SERGEF: variants seen among roughly 807,000 people sequenced by gnomAD.
SERGEF encodes the protein secretion regulating guanine nucleotide exchange factor, also known as secretion-regulating guanine nucleotide exchange factor.
Under a neutral mutation model 50.0 loss-of-function variants are expected in SERGEF, and 51 were observed. The observed-to-expected ratio is 1.02, with a 90% CI of 0.81 to 1.29. SERGEF has a LOEUF of 1.29. Ranked by LOEUF, SERGEF falls within the 50% of genes most tolerant of loss-of-function variation. The pLI, the probability that SERGEF is intolerant of heterozygous loss-of-function variation, is 0.00. For synonymous variants in SERGEF, 205 were observed against 212.4 expected (o/e 0.97, Z 0.30); for missense variants, 521 against 557.0 (o/e 0.94, Z 0.65).
chr11:17,937,735 T>C (rs1372692209), intron 9 of SERGEF, among the ~76,000 whole-genome samples: 1 of 152,020 alleles, frequency 6.6e-6, no homozygotes, highest in Admixed American at 6.6e-5. Flanking sequence ...AAAAACAATA[T>C]AAAGATGAAC....
chr11:17,812,324 T>C (rs1406894737), intron 10 of SERGEF, among the ~76,000 whole-genome samples: 1 of 152,186 alleles, frequency 6.6e-6, no homozygotes, highest in Non-Finnish European at 1.5e-5. Flanking sequence ...AACCTGCCCA[T>C]TTCTCTGCCA....
chr11:17,940,481 A>C (rs1156381871), intron 9 of SERGEF, among the ~76,000 whole-genome samples: 4 of 152,188 alleles, frequency 2.6e-5, no homozygotes, highest in African/African-American at 9.7e-5. Context: ...GAAATAAACA[A>C]GACAGTGTAC....
chr11:18,012,890 G>C (rs1854228679), intron 1 of SERGEF, 61 bp downstream of exon 1: 7 of 1,530,040 alleles, frequency 4.6e-6, no homozygotes, highest in Non-Finnish European at 6.1e-6. Context: ...GCCGCGGCCA[G>C]CAGCTCCCAC....
intron 10 of SERGEF, among the ~76,000 whole-genome samples, chr11:17,816,886 C>T (rs979566663): frequency 1.3e-5 from 2 of 152,284 alleles, no homozygotes; most frequent in Middle Eastern, 3.4e-3. Context: ...AATGACTTCA[C>T]CTTCAGATCA....
intron 9 of SERGEF, chr11:17,926,760 A>G (rs1364215299): frequency 2.2e-6 from 1 of 456,078 alleles, no homozygotes; most frequent in Non-Finnish European, 4.4e-6. Context: ...CCAAAAGACT[A>G]TCTTGATGCA....
rs1178604836 is a variant in SERGEF at position 17,991,493 on chromosome 11, C to T, written c.685+1438G>A. 2.0e-5 allele frequency among the ~76,000 whole-genome samples: 3 copies of T among 152,126 alleles called. No homozygotes were observed. Among genetic ancestry groups the T allele is most frequent in the African/African-American group, 2.4e-5 (1 of 41,406 alleles). On this transcript the variant is annotated intron_variant, in intron 7 of 10. Coordinates refer to ENST00000265965, the MANE Select transcript of SERGEF (RefSeq NM_012139.4). The surrounding 1 kb of genome is among the most constrained non-coding windows in gnomAD (Gnocchi z 4.9). Reference sequence around the variant, plus strand: ...TCCATCCCTCATTGACTGTGGGGCACGAACACATCACTTCTCACCCTAAGG... The same window carrying T: ...TCCATCCCTCATTGACTGTGGGGCATGAACACATCACTTCTCACCCTAAGG...
chr11:17,920,244 C>G (rs1392040926), intron 9 of SERGEF, among the ~76,000 whole-genome samples: 1 of 152,168 alleles, frequency 6.6e-6, no homozygotes, highest in Non-Finnish European at 1.5e-5. Flanking sequence ...GAGACTCTGT[C>G]TCAAAAACAA....
chr11:17,896,379 T>C (rs1389007632), intron 9 of SERGEF, among the ~76,000 whole-genome samples: 3 of 152,074 alleles, frequency 2.0e-5, no homozygotes, highest in African/African-American at 7.2e-5. Flanking sequence ...GTCAGAGAAG[T>C]TAACTTTTTC....
At chr11:17,937,187 C>T (rs758717957) in intron 9 of SERGEF, among the ~76,000 whole-genome samples, 1 of 151,966 alleles carries the variant, frequency 6.6e-6, no homozygotes, top group Non-Finnish European at 1.5e-5. Flanking sequence ...AACATACTAT[C>T]TATAATGTCT....
At chr11:17,940,348 C>T (rs969198264) in intron 9 of SERGEF, among the ~76,000 whole-genome samples, 5 of 152,102 alleles carry the variant, frequency 3.3e-5, no homozygotes, top group Admixed American at 6.6e-5. Context: ...GGGTTGAAGG[C>T]CCTGCTCAGC....
intron 9 of SERGEF, among the ~76,000 whole-genome samples, chr11:17,928,051 T>C (rs983379877): frequency 6.6e-6 from 1 of 152,346 alleles, no homozygotes; most frequent in South Asian, 2.1e-4. Flanking sequence ...AAATTTGAAG[T>C]CTTTAGATAA....
chr11:17,846,671 C>T (rs1850616935), intron 10 of SERGEF: 1 of 456,106 alleles, frequency 2.2e-6, no homozygotes, highest in Non-Finnish European at 4.4e-6. Flanking sequence ...GACACATGAA[C>T]ACTGTGATCT....
chr11:17,899,336 T>C (rs1851702976), intron 9 of SERGEF, among the ~76,000 whole-genome samples: 1 of 152,202 alleles, frequency 6.6e-6, no homozygotes, highest in Middle Eastern at 3.2e-3. Context: ...AATAATATAA[T>C]CCAAAATTTA....
intron 10 of SERGEF, among the ~76,000 whole-genome samples, chr11:17,859,047 C>T (rs1463369692): frequency 6.6e-6 from 1 of 152,066 alleles, no homozygotes; most frequent in Non-Finnish European, 1.5e-5. Flanking sequence ...ATAGAGAGGC[C>T]ATCCTCCCTA....
chr11:17,982,642 C>T (rs1051447407), intron 8 of SERGEF, among the ~76,000 whole-genome samples: 1 of 152,038 alleles, frequency 6.6e-6, no homozygotes, highest in African/African-American at 2.4e-5. Context: ...GGATCTTGGC[C>T]CCAAAACAGA....
chr11:17,861,182 C>T (rs1327933198), intron 10 of SERGEF, among the ~76,000 whole-genome samples: 2 of 152,112 alleles, frequency 1.3e-5, no homozygotes, highest in Admixed American at 6.5e-5. Flanking sequence ...GGAAGCAAGG[C>T]GAAACACCAG....
intron 10 of SERGEF, among the ~76,000 whole-genome samples, chr11:17,824,187 G>C (rs1019718900): frequency 2.0e-5 from 3 of 152,092 alleles, no homozygotes; most frequent in African/African-American, 7.2e-5. Flanking sequence ...TGTAGTCCTA[G>C]CTACTCAGGA....
intron 9 of SERGEF, among the ~76,000 whole-genome samples, chr11:17,950,582 G>C (rs778298263): frequency 1.3e-5 from 2 of 152,178 alleles, no homozygotes; most frequent in Non-Finnish European, 2.9e-5. Context: ...CTAAGAAGCT[G>C]TCACTGTATT....
chr11:18,010,532 TA>T (rs1343937913), intron 1 of SERGEF, among the ~76,000 whole-genome samples: 1 of 151,988 alleles, frequency 6.6e-6, no homozygotes, highest in Non-Finnish European at 1.5e-5. Context: ...TTAGAAAAAA[TA>T]AAAAAAGGAC....
Sources: allele counts gnomAD v4.1 joint callset (sites outside exome capture counted in the v4.1 genomes callset), GRCh38; gene constraint gnomAD v4.1.1; non-coding constraint Gnocchi (gnomAD v3.1); transcripts MANE v1.5; gene names NCBI Gene and HGNC (gene_info 2026-07-23, HGNC 2026-07-21).